Variants in CAPN11 observed in about 807,000 individuals in gnomAD.
CAPN11 encodes calpain-11.
Under a neutral mutation model 105.3 loss-of-function variants are expected in CAPN11, and 108 were observed. The observed-to-expected ratio is 1.03, with a 90% CI of 0.88 to 1.20. CAPN11 has a LOEUF of 1.20. Ranked by LOEUF, CAPN11 falls within the 50% of genes most tolerant of loss-of-function variation. The pLI, the probability that CAPN11 is intolerant of heterozygous loss-of-function variation, is 0.00. For missense variants in CAPN11, 883 were observed against 924.8 expected (o/e 0.95, Z 0.59); for synonymous variants, 329 against 344.5 (o/e 0.96, Z 0.50).
intron 1 of CAPN11, among the ~76,000 whole-genome samples, chr6:44,165,653 C>T (rs1769693017): frequency 6.6e-6 from 1 of 152,086 alleles, no homozygotes; most frequent in African/African-American, 2.4e-5. Flanking sequence ...GGGACTGTCT[C>T]TCCTGGGGCA....
intron 11 of CAPN11, 27 bp downstream of exon 11, chr6:44,177,025 G>A (rs747796323): frequency 2.5e-6 from 4 of 1,606,516 alleles, no homozygotes; most frequent in Non-Finnish European, 2.5e-6. Flanking sequence ...AGGGGAGGGG[G>A]TGTGCAGGGA....
intron 4 of CAPN11, 138 bp downstream of exon 4, chr6:44,170,113 G>A (rs1032754844): frequency 2.9e-6 from 2 of 682,126 alleles, no homozygotes; most frequent in Non-Finnish European, 5.2e-6. Flanking sequence ...CTCCCCTTCT[G>A]AGGAGATGAC....
At chr6:44,160,112 G>A (rs112168562) in intron 1 of CAPN11, among the ~76,000 whole-genome samples, 1,724 of 151,854 alleles carry the variant, frequency 0.011, 36 homozygotes, top group African/African-American at 0.039. Context: ...CCAAGCCTGG[G>A]CGACACAGCG....
chr6:44,181,615 T>A (rs111596793), intron 19 of CAPN11, among the ~76,000 whole-genome samples: 12 of 6,218 alleles, frequency 1.9e-3, no homozygotes, highest in African/African-American at 2.6e-3. Context: ...CACACCACAC[T>A]CACACACACA....
At chr6:44,158,887 C>A in intron 1 of CAPN11, 23 bp downstream of exon 1, 1 of 1,549,750 alleles carries the variant, frequency 6.5e-7, no homozygotes, top group Non-Finnish European at 8.7e-7. Flanking sequence ...GGGGCCTTGC[C>A]CCACTCCTGT....
chr6:44,175,428 C>T (rs1286026002), intron 7 of CAPN11, among the ~76,000 whole-genome samples: 1 of 151,734 alleles, frequency 6.6e-6, no homozygotes, highest in Non-Finnish European at 1.5e-5. Context: ...TGCAGTGAAC[C>T]GAGATCACAC....
Position 44,171,462 on chromosome 6 carries a change from G to A in CAPN11, c.410-840G>A, listed in dbSNP as rs186513142. Among the ~76,000 whole-genome samples, 4 of 152,314 alleles carry A rather than the reference G, an allele frequency of 2.6e-5. No individual in the cohort carries two copies. In the East Asian group the frequency reaches 5.8e-4, roughly 22 times the overall value. On this transcript the variant is annotated intron_variant, in intron 4 of 22. Transcript: ENST00000398776. Reference sequence around the variant, plus strand: ...TTGGGAACTTCGTGGCCACACCAGTGTACTCACAGGGTGCAGGAAGGTGAC... The same window carrying A: ...TTGGGAACTTCGTGGCCACACCAGTATACTCACAGGGTGCAGGAAGGTGAC...
intron 12 of CAPN11, 133 bp downstream of exon 12, chr6:44,177,553 T>G: frequency 1.2e-6 from 1 of 805,922 alleles, no homozygotes; most frequent in African/African-American, 1.7e-5. Context: ...AGTGGCACAA[T>G]CTCCATTCAC....
In CAPN11 at chr6:44,180,754, G is replaced by A; in HGVS notation, c.1753G>A (p.Glu585Lys). The A allele has an allele frequency of 6.2e-7, 1 of 1,613,712 alleles. No individual in the cohort carries two copies. The highest frequency in any genetic ancestry group is 8.5e-7 in the Non-Finnish European group (1 of 1,179,762). The change falls in exon 17 of 23, where the codon GAG (glutamate) becomes AAG (lysine). Residue 585 changes from glutamate (E) to lysine (K), a missense_variant. Transcript: ENST00000398776. ...LFKIVAGEGKEIGVYELQRLL... is the reference protein window; with the variant it reads ...LFKIVAGEGKKIGVYELQRLL... ...TCACAGTTCCCCTTCCTAGGGCAAG[G>A]AGATAGGGGTGTATGAGCTCCAGAG...
At chr6:44,159,287 G>GA (rs1305901621) in intron 1 of CAPN11, among the ~76,000 whole-genome samples, 1 of 152,118 alleles carries the variant, frequency 6.6e-6, no homozygotes, top group Non-Finnish European at 1.5e-5. Context: ...CCTAAGCCTA[G>GA]AAAAGCAGGT....
chr6:44,169,570 G>A (rs1770610959), intron 3 of CAPN11, 39 bp downstream of exon 3: 1 of 1,506,812 alleles, frequency 6.6e-7, no homozygotes, highest in East Asian at 2.5e-5. Flanking sequence ...ATGGATGGAA[G>A]GGAGCTTGTA....
At position 44,181,447 on chromosome 6, in the gene CAPN11, A is replaced by ACT. The variant is rs1773162928; in HGVS notation, c.1938+129_1938+130dup. On this transcript the variant is annotated intron_variant, in intron 19 of 22. Coordinates refer to ENST00000398776, the MANE Select transcript of CAPN11 (RefSeq NM_007058.4). Reference sequence around the variant, plus strand: ...ACACACACACACCCAACCACACCACACTCACACACACACACACACACTCAC... The same window carrying ACT: ...ACACACACACACCCAACCACACCACACTCTCACACACACACACACACACTCAC... 4.1e-4 allele frequency: 200 copies of ACT among 486,796 alleles called. 34 individuals are homozygous for ACT. Among genetic ancestry groups the ACT allele is most frequent in the African/African-American group, 4.0e-3 (114 of 28,582 alleles). The allele number at this position is 486,796 out of a possible 1,614,324, so 30.2% of individuals were successfully genotyped here. A position where few individuals can be genotyped will look rare whatever the true frequency, so the allele number is the denominator to read the frequency against.
chr6:44,180,421 C>T (rs1338993773), intron 14 of CAPN11, 39 bp from the exon 15 acceptor site: 6 of 1,605,038 alleles, frequency 3.7e-6, no homozygotes, highest in Admixed American at 1.7e-5. Context: ...CCACCTCCCT[C>T]CCCCTGGTAA....
At position 44,183,738 on chromosome 6, in the gene CAPN11, G is replaced by A. The variant is rs1181349874; in HGVS notation, c.2168G>A (p.Gly723Asp). The change falls in exon 22 of 23, where the codon GGC becomes GAC. Residue 723 changes from glycine to aspartate, a missense_variant. Transcript: ENST00000398776. ...FFLTMDPKNT[G>D]HICLSLEQWL... ...CTAACCATGGACCCCAAGAATACTG[G>A]CCATATTTGCTTGAGCCTGGAACAG... 2 of 1,613,850 alleles carry A rather than the reference G, an allele frequency of 1.2e-6. No homozygotes were observed. The highest frequency in any genetic ancestry group is 3.3e-5 in the Admixed American group (2 of 60,000).
Position 44,173,025 on chromosome 6 carries a change from C to T in CAPN11, c.614C>T (p.Thr205Ile). ...KNDKLVFVHS[T>I]ERSEFWSALL... is the part of the protein sequence containing the mutation. ...GACAAGCTGGTGTTTGTGCACTCAACCGAACGCAGTGAGTTCTGGAGTGCC... is the reference window on the plus strand; with the variant it reads ...GACAAGCTGGTGTTTGTGCACTCAATCGAACGCAGTGAGTTCTGGAGTGCC... The change falls in exon 6 of 23, where the codon ACC becomes ATC. Residue 205 changes from threonine to isoleucine, a missense_variant. Thr to Ile is a moderately conservative substitution (Grantham distance 89). Transcript: ENST00000398776. 1 of 1,613,234 alleles carries T rather than the reference C, an allele frequency of 6.2e-7. No individual in the cohort carries two copies. The highest frequency in any genetic ancestry group is 1.1e-5 in the South Asian group (1 of 90,926).
At chr6:44,181,149 C>A in intron 18 of CAPN11, 103 bp from the exon 19 acceptor site, 1 of 1,235,332 alleles carries the variant, frequency 8.1e-7, no homozygotes, top group South Asian at 1.2e-5. Flanking sequence ...GCTACAGTAC[C>A]GGAACCCCAG....
At chr6:44,162,231 G>T (rs1768975618) in intron 1 of CAPN11, among the ~76,000 whole-genome samples, 2 of 152,048 alleles carry the variant, frequency 1.3e-5, no homozygotes, top group African/African-American at 4.8e-5. Context: ...ATAGGGATCA[G>T]GGGCTGAAAC....
At chr6:44,178,411 T>G (rs546240161) in intron 12 of CAPN11, among the ~76,000 whole-genome samples, 8 of 152,224 alleles carry the variant, frequency 5.3e-5, no homozygotes, top group African/African-American at 1.4e-4. Context: ...AGCCAAACCA[T>G]GCTTTGCAAA....
In CAPN11 at chr6:44,183,980, G is replaced by C. The variant is rs1178736919; in HGVS notation, c.*48G>C. 1.9e-6 allele frequency: 3 copies of C among 1,549,746 alleles called. No individual in the cohort carries two copies. Among genetic ancestry groups the C allele is most frequent in the Non-Finnish European group, 2.6e-6 (3 of 1,145,728 alleles). Reference sequence around the variant, plus strand: ...TCTCTACCAGCAGCAGCAGCAGCGAGGTTCTAGCCCAGGAGGGTGGGGTGC... The same window carrying C: ...TCTCTACCAGCAGCAGCAGCAGCGACGTTCTAGCCCAGGAGGGTGGGGTGC... On this transcript the variant is annotated 3_prime_UTR_variant, in exon 23 of 23. Coordinates refer to ENST00000398776, the MANE Select transcript of CAPN11 (RefSeq NM_007058.4).
Sources: gnomAD v4.1 joint callset for allele counts (sites outside exome capture counted in the v4.1 genomes callset) on GRCh38, gnomAD v4.1.1 for gene constraint, MANE v1.5 for transcripts, NCBI Gene and HGNC (gene_info 2026-07-23, HGNC 2026-07-21) for gene names.